Variants in ZNF385D observed in about 807,000 individuals in gnomAD.
ZNF385D encodes the protein zinc finger protein 385D.
A neutral mutation model predicts 35.8 loss-of-function variants in ZNF385D; 15 were observed. The observed-to-expected ratio is 0.42, with a 90% confidence interval of 0.28 to 0.64. The LOEUF (loss-of-function observed/expected upper bound fraction) is 0.64, where lower values mean the gene tolerates loss of function less well. Among genes scored for constraint, ZNF385D ranks in the 30% least tolerant of loss-of-function variants. ZNF385D has a pLI of 0.23. For synonymous variants in ZNF385D, 212 were observed against 186.8 expected (o/e 1.13, Z -1.10); for missense variants, 474 against 494.6 (o/e 0.96, Z 0.39).
chr3:22,070,692 A>C (rs2125561791), intron 3 of ZNF385D, among the ~76,000 whole-genome samples: 1 of 152,296 alleles, frequency 6.6e-6, no homozygotes, highest in South Asian at 2.1e-4. Context: ...AAAAAAACAA[A>C]GTTTCAAATT....
chr3:22,198,325 T>C (rs1398501472), intron 2 of ZNF385D, among the ~76,000 whole-genome samples: 1 of 152,020 alleles, frequency 6.6e-6, no homozygotes, highest in Non-Finnish European at 1.5e-5. Context: ...ACCACTGATA[T>C]TTGCAGCAAA....
chr3:22,367,810 T>C lies in ZNF385D; in HGVS notation c.106+4640A>G, dbSNP rs183420638. 5.9e-5 allele frequency among the ~76,000 whole-genome samples: 9 copies of C among 152,206 alleles called. No individual in the cohort carries two copies. In the East Asian group the frequency reaches 1.7e-3, roughly 29 times the overall value. ...ACTCTTCAGTAATAAAATCAGAACA[T>C]ATAAGATAACAAAAAAAGTTAACAG... is the stretch of plus-strand genomic sequence containing the variant. On this transcript the variant is annotated intron_variant, in intron 2 of 5. Coordinates refer to the ZNF385D transcript ENST00000494108.
At chr3:22,302,680 G>C (rs1029583708) in intron 2 of ZNF385D, among the ~76,000 whole-genome samples, 1 of 151,960 alleles carries the variant, frequency 6.6e-6, no homozygotes, top group African/African-American at 2.4e-5. Flanking sequence ...TTTAGATAGA[G>C]ATAATTAAGA....
At chr3:21,822,907 T>C (rs1694362970) in intron 3 of ZNF385D, among the ~76,000 whole-genome samples, 1 of 151,984 alleles carries the variant, frequency 6.6e-6, no homozygotes, top group Non-Finnish European at 1.5e-5. Flanking sequence ...TTCAGAGATA[T>C]GGGCATATAG....
chr3:21,547,248 G>A (rs1010483969), intron 3 of ZNF385D, among the ~76,000 whole-genome samples: 2 of 152,068 alleles, frequency 1.3e-5, no homozygotes, highest in Admixed American at 6.6e-5. Flanking sequence ...TCAGGAGAAG[G>A]GAACCCAGAA....
intron 3 of ZNF385D, among the ~76,000 whole-genome samples, chr3:22,076,711 T>A (rs950325095): frequency 1.3e-5 from 2 of 152,018 alleles, no homozygotes; most frequent in African/African-American, 4.8e-5. Flanking sequence ...TTTTAATGTC[T>A]GCATTTTATA....
intron 2 of ZNF385D, among the ~76,000 whole-genome samples, chr3:21,609,488 C>T (rs965181570): frequency 6.6e-6 from 1 of 152,158 alleles, no homozygotes; most frequent in African/African-American, 2.4e-5. Flanking sequence ...AAATTCCAGG[C>T]ACTTGAGGAA....
At chr3:21,444,650 G>A (rs1017538976) in intron 4 of ZNF385D, among the ~76,000 whole-genome samples, 1 of 152,022 alleles carries the variant, frequency 6.6e-6, no homozygotes, top group Non-Finnish European at 1.5e-5. Flanking sequence ...GCCTCCCAAA[G>A]TGCTGGGATT....
chr3:21,980,119 C>A, intron 3 of ZNF385D, among the ~76,000 whole-genome samples: 1 of 152,262 alleles, frequency 6.6e-6, no homozygotes, highest in Admixed American at 6.6e-5. Flanking sequence ...GTTATTAAAG[C>A]AGCCTTATAG....
chr3:22,045,538 A>G (rs1479424948), intron 3 of ZNF385D, among the ~76,000 whole-genome samples: 1 of 152,110 alleles, frequency 6.6e-6, no homozygotes, highest in Non-Finnish European at 1.5e-5. Flanking sequence ...CTAGCAAGGT[A>G]TTTAGAAATT....
At chr3:21,887,418 CA>C (rs1349762692) in intron 3 of ZNF385D, among the ~76,000 whole-genome samples, 1 of 151,946 alleles carries the variant, frequency 6.6e-6, no homozygotes, top group Non-Finnish European at 1.5e-5. Context: ...TTTAAAAGAG[CA>C]AAAAACAGCA....
At chr3:21,690,501 T>G (rs922634209) in intron 1 of ZNF385D, among the ~76,000 whole-genome samples, 1 of 152,170 alleles carries the variant, frequency 6.6e-6, no homozygotes, top group Non-Finnish European at 1.5e-5. Flanking sequence ...CCAACTTAAC[T>G]TCTTAATTTT....
At chr3:21,531,494 A>T (rs2061920991) in intron 3 of ZNF385D, among the ~76,000 whole-genome samples, 1 of 152,216 alleles carries the variant, frequency 6.6e-6, no homozygotes, top group Non-Finnish European at 1.5e-5. Context: ...TGTGCCAAAA[A>T]TGAGAAACAA....
At chr3:21,958,253 A>C (rs1559791178) in intron 3 of ZNF385D, among the ~76,000 whole-genome samples, 1 of 152,130 alleles carries the variant, frequency 6.6e-6, no homozygotes, top group Non-Finnish European at 1.5e-5. Flanking sequence ...CACATTAAGA[A>C]GACCTATATT....
At chr3:22,025,723 T>C (rs778176126) in intron 3 of ZNF385D, among the ~76,000 whole-genome samples, 1 of 152,122 alleles carries the variant, frequency 6.6e-6, no homozygotes, top group African/African-American at 2.4e-5. Flanking sequence ...ATCCAAAGGC[T>C]TAGGGAGATT....
At chr3:21,779,799 G>A (rs1453428022) in intron 3 of ZNF385D, among the ~76,000 whole-genome samples, 1 of 151,826 alleles carries the variant, frequency 6.6e-6, no homozygotes, top group African/African-American at 2.4e-5. Flanking sequence ...TATATTAGTT[G>A]CTGAGTATGG....
chr3:21,586,696 A>AGAT (rs2063820705), intron 2 of ZNF385D, among the ~76,000 whole-genome samples: 1 of 152,208 alleles, frequency 6.6e-6, no homozygotes, highest in East Asian at 1.9e-4. Context: ...CATGGACAGA[A>AGAT]GATGTTTCCT....
chr3:21,808,837 G>GA (rs1447273337), intron 3 of ZNF385D, among the ~76,000 whole-genome samples: 1 of 152,160 alleles, frequency 6.6e-6, no homozygotes, highest in African/African-American at 2.4e-5. Context: ...CAATGATGTG[G>GA]AACACTGCTT....
chr3:22,307,115 C>A (rs1338171394), intron 2 of ZNF385D, among the ~76,000 whole-genome samples: 1 of 152,092 alleles, frequency 6.6e-6, no homozygotes. Flanking sequence ...CCCAAAGTTT[C>A]TGCGCCCTAA....
Sources: allele counts gnomAD v4.1 joint callset (sites outside exome capture counted in the v4.1 genomes callset), GRCh38; gene constraint gnomAD v4.1.1; transcripts MANE v1.5; gene names NCBI Gene and HGNC (gene_info 2026-07-23, HGNC 2026-07-21).